DAPK1: variants seen among roughly 807,000 people sequenced by gnomAD.
DAPK1 encodes death associated protein kinase 1.
Under a neutral mutation model 144.9 loss-of-function variants are expected in DAPK1, and 56 were observed. That is an observed-to-expected ratio of 0.39 (90% CI 0.31 to 0.48). The LOEUF (loss-of-function observed/expected upper bound fraction) is 0.48, where lower values mean the gene tolerates loss of function less well. Ranked by LOEUF, DAPK1 falls within the 20% of genes least tolerant of loss-of-function variation. The pLI is 0.95. For missense variants in DAPK1, 1,454 were observed against 1,875.4 expected, an observed-to-expected ratio of 0.78 and a Z score of 4.15; for synonymous variants, 690 against 749.0, an observed-to-expected ratio of 0.92 and a Z score of 1.29.
intron 18 of DAPK1, among the ~76,000 whole-genome samples, chr9:87,660,060 G>T (rs1830786400): frequency 6.6e-6 from 1 of 152,152 alleles, no homozygotes; most frequent in Non-Finnish European, 1.5e-5. Flanking sequence ...GCTGGAACCT[G>T]CAGGCCAGGC....
chr9:87,625,490 T>C (rs1174271192), intron 3 of DAPK1, among the ~76,000 whole-genome samples: 1 of 152,204 alleles, frequency 6.6e-6, no homozygotes, highest in Non-Finnish European at 1.5e-5. Context: ...CGGTCAGCTG[T>C]CTCAGGAGCC....
intron 2 of DAPK1, chr9:87,525,221 C>A: frequency 1.0e-6 from 1 of 969,260 alleles, no homozygotes. Flanking sequence ...CTGTTTTTCA[C>A]CCTACCCAAT....
intron 3 of DAPK1, 78 bp downstream of exon 3, chr9:87,605,253 C>T (rs1828675006): frequency 5.0e-6 from 6 of 1,194,474 alleles, no homozygotes; most frequent in African/African-American, 1.5e-5. Context: ...TGGACCACGC[C>T]ACAGCGAGCC....
At chr9:87,703,293 G>A (rs1825522043) in intron 25 of DAPK1, 76 bp downstream of exon 25, 1 of 790,754 alleles carries the variant, frequency 1.3e-6, no homozygotes, top group Non-Finnish European at 2.1e-6. Context: ...CCAGCTCTTG[G>A]AAGTGGTGTG....
At chr9:87,549,998 C>T (rs1242802686) in intron 2 of DAPK1, among the ~76,000 whole-genome samples, 2 of 152,112 alleles carry the variant, frequency 1.3e-5, no homozygotes, top group Non-Finnish European at 1.5e-5. Flanking sequence ...TCCTAGAGCT[C>T]GGTGCTTGTT....
intron 3 of DAPK1, among the ~76,000 whole-genome samples, chr9:87,616,866 A>C (rs1463015399): frequency 2.6e-5 from 4 of 152,228 alleles, no homozygotes; most frequent in African/African-American, 4.8e-5. Context: ...CTGTTGGCCA[A>C]ACCAAACTAG....
At chr9:87,631,148 A>G (rs1175036967) in intron 3 of DAPK1, among the ~76,000 whole-genome samples, 1 of 152,146 alleles carries the variant, frequency 6.6e-6, no homozygotes. Flanking sequence ...TTCCACTCTG[A>G]AGAATCCTAA....
intron 2 of DAPK1, among the ~76,000 whole-genome samples, chr9:87,536,925 A>C (rs1356801588): frequency 1.3e-5 from 2 of 152,044 alleles, no homozygotes; most frequent in Non-Finnish European, 2.9e-5. Flanking sequence ...CCATCAGAGC[A>C]GTAATAGTTG....
At chr9:87,676,790 C>T (rs1032880204) in intron 19 of DAPK1, among the ~76,000 whole-genome samples, 1 of 152,240 alleles carries the variant, frequency 6.6e-6, no homozygotes, top group African/African-American at 2.4e-5. Context: ...GAGTGGGATG[C>T]ACTGTGAGGG....
At chr9:87,596,587 A>G (rs1045238551) in intron 2 of DAPK1, among the ~76,000 whole-genome samples, 3 of 152,124 alleles carry the variant, frequency 2.0e-5, no homozygotes, top group African/African-American at 7.2e-5. Context: ...TGCTGATGGG[A>G]TGAGAGGGCC....
chr9:87,556,112 G>A (rs1032720526), intron 2 of DAPK1, among the ~76,000 whole-genome samples: 4 of 152,154 alleles, frequency 2.6e-5, no homozygotes, highest in East Asian at 1.9e-4. Context: ...CTCCGTCACC[G>A]AAACTCATCA....
intron 19 of DAPK1, among the ~76,000 whole-genome samples, chr9:87,675,560 G>C (rs922162474): frequency 6.6e-6 from 1 of 152,032 alleles, no homozygotes; most frequent in Non-Finnish European, 1.5e-5. Context: ...CTTACCCAGC[G>C]GGTGAGGAGT....
chr9:87,503,007 G>C (rs961993541), intron 2 of DAPK1, among the ~76,000 whole-genome samples: 1 of 152,164 alleles, frequency 6.6e-6, no homozygotes, highest in African/African-American at 2.4e-5. Flanking sequence ...AGATGCAAAC[G>C]ATGATGCTGA....
At chr9:87,675,665 G>A (rs1824340764) in intron 19 of DAPK1, among the ~76,000 whole-genome samples, 1 of 152,132 alleles carries the variant, frequency 6.6e-6, no homozygotes, top group Admixed American at 6.5e-5. Flanking sequence ...TCAGGATGGG[G>A]AGCAGAGGGA....
In DAPK1 at chr9:87,651,484, G is replaced by A. The variant is rs754882769; in HGVS notation, c.1627-43G>A. ...AAAGGTGAAGAGACGGAGGCCACAT[G>A]CCCAAGTGAAAAGCTCTCATGATCT... On this transcript the variant is annotated intron_variant, in intron 16 of 25. Transcript: ENST00000408954. 3.8e-5 allele frequency: 61 copies of A among 1,599,552 alleles called. No homozygotes were observed. The Admixed American group carries it at 9.8e-4, about 26-fold the overall frequency.
chr9:87,697,254 G>T (rs1321726990), intron 22 of DAPK1, 50 bp downstream of exon 22: 2 of 842,952 alleles, frequency 2.4e-6, no homozygotes, highest in South Asian at 2.7e-5. Context: ...GGTTGGCCAG[G>T]AATCGCCTCC....
chr9:87,536,381 T>C (rs562222557), intron 2 of DAPK1, among the ~76,000 whole-genome samples: 29 of 152,308 alleles, frequency 1.9e-4, no homozygotes, highest in African/African-American at 6.5e-4. Context: ...GTGACCCATG[T>C]GGTTTATGAT....
At position 87,639,496 on chromosome 9, in the gene DAPK1, G is replaced by C; in HGVS notation, c.553+13G>C. ...CCAGAGTTTGTCGGTAAGTTTCTTT[G>C]CTCCTGTGGTCATTTACGTCTCATA... On this transcript the variant is annotated intron_variant, in intron 5 of 25. Transcript: ENST00000408954. The C allele has an allele frequency of 6.2e-7, 1 of 1,610,110 alleles. No individual in the cohort carries two copies. Among genetic ancestry groups the C allele is most frequent in the South Asian group, 1.1e-5 (1 of 89,780 alleles).
At chr9:87,533,188 T>C (rs1825751599) in intron 2 of DAPK1, among the ~76,000 whole-genome samples, 1 of 152,232 alleles carries the variant, frequency 6.6e-6, no homozygotes, top group African/African-American at 2.4e-5. Context: ...TGCGTGTGTG[T>C]GGATATGTAT....
Sources: gnomAD v4.1 joint callset for allele counts (sites outside exome capture counted in the v4.1 genomes callset) on GRCh38, gnomAD v4.1.1 for gene constraint, MANE v1.5 for transcripts, NCBI Gene and HGNC (gene_info 2026-07-23, HGNC 2026-07-21) for gene names.